Variants in PARD3 observed in about 807,000 individuals in gnomAD.
PARD3 encodes the protein partitioning defective 3 homolog.
PARD3 carries 75 observed loss-of-function variants against 155.4 expected under a neutral mutation model. The observed-to-expected ratio is 0.48, with a 90% CI of 0.40 to 0.58. PARD3 has a LOEUF of 0.58. Ranked by LOEUF, PARD3 falls within the 20% of genes least tolerant of loss-of-function variation. The probability of loss-of-function intolerance (pLI) is 0.00; values close to 1 mark genes in which losing one functional copy is unlikely to be tolerated. For synonymous variants in PARD3, 576 were observed against 610.5 expected, an observed-to-expected ratio of 0.94 and a Z score of 0.83; for missense variants, 1,642 against 1,721.7, an observed-to-expected ratio of 0.95 and a Z score of 0.82.
chr10:34,807,555 C>T (rs1296222817), intron 1 of PARD3, among the ~76,000 whole-genome samples: 1 of 152,218 alleles, frequency 6.6e-6, no homozygotes, highest in East Asian at 1.9e-4. Context: ...CACCACTCTA[C>T]TGTCTCTATA....
rs557681998 is a variant in PARD3, at chr10:34,234,817, CTTA to C, written c.3419+34837_3419+34839del. On this transcript the variant is annotated intron_variant, in intron 22 of 24. Transcript: ENST00000374788. The stretch of plus-strand genomic sequence containing the variant: ...AATGAATGAGTAAATGGATATCATT[CTTA>C]TGTTTTTGTAAATGAATGACTTTCA... 2.0e-4 allele frequency among the ~76,000 whole-genome samples: 30 copies of C among 152,280 alleles called. No individual in the cohort carries two copies. The South Asian group carries it at 6.0e-3, about 30-fold the overall frequency.
At chr10:34,323,945 A>G (rs866425533) in intron 19 of PARD3, among the ~76,000 whole-genome samples, 4 of 152,240 alleles carry the variant, frequency 2.6e-5, no homozygotes, top group African/African-American at 4.8e-5. Context: ...TTAAAAACCA[A>G]TTCTGACCGA....
At chr10:34,649,371 G>C (rs1012923162) in intron 2 of PARD3, among the ~76,000 whole-genome samples, 2 of 152,246 alleles carry the variant, frequency 1.3e-5, no homozygotes, top group African/African-American at 4.8e-5. Flanking sequence ...CTAGAGGGTA[G>C]AGCCTCCTAC....
chr10:34,806,209 T>G (rs1341127106), intron 1 of PARD3, among the ~76,000 whole-genome samples: 8 of 149,964 alleles, frequency 5.3e-5, no homozygotes, highest in Non-Finnish European at 1.0e-4. Context: ...TTTTTTTTTT[T>G]TTTTTTGAGA....
At chr10:34,535,408 G>T (rs147755880) in intron 2 of PARD3, among the ~76,000 whole-genome samples, 2 of 152,170 alleles carry the variant, frequency 1.3e-5, no homozygotes, top group Admixed American at 1.3e-4. Context: ...GCAATGAGAC[G>T]AGAGTATTTC....
intron 1 of PARD3, among the ~76,000 whole-genome samples, chr10:34,737,644 G>A (rs560954681): frequency 2.0e-5 from 3 of 152,218 alleles, no homozygotes; most frequent in East Asian, 1.9e-4. Flanking sequence ...AAGGGCCCTC[G>A]GCTCCCCCAC....
intron 2 of PARD3, among the ~76,000 whole-genome samples, chr10:34,667,819 T>C (rs1193680289): frequency 6.6e-6 from 1 of 152,186 alleles, no homozygotes; most frequent in African/African-American, 2.4e-5. Flanking sequence ...ACAAATAATA[T>C]TGTGATGACA....
In PARD3 at chr10:34,469,205, G is replaced by C. The variant is rs564332775; in HGVS notation, c.582+880C>G. On this transcript the variant is annotated intron_variant, in intron 4 of 24. Coordinates refer to ENST00000374788, the MANE Select transcript of PARD3 (RefSeq NM_001184785.2). Reference sequence around the variant, plus strand: ...GGCTCACTGCAACCTCCGCCTCCTGGGTTCAAGCGATTATTGTGCCTCAGC... The same window carrying C: ...GGCTCACTGCAACCTCCGCCTCCTGCGTTCAAGCGATTATTGTGCCTCAGC... Among the ~76,000 whole-genome samples the C allele has an allele frequency of 3.2e-4, 49 of 152,272 alleles. No homozygotes were observed. In the South Asian group the frequency reaches 9.3e-3, roughly 29 times the overall value.
At chr10:34,228,461 TC>T (rs1449314369) in intron 22 of PARD3, among the ~76,000 whole-genome samples, 1 of 152,108 alleles carries the variant, frequency 6.6e-6, no homozygotes, top group East Asian at 1.9e-4. Context: ...TATTAACGGT[TC>T]CATTTATATG....
chr10:34,439,815 G>T (rs147879670), intron 5 of PARD3, among the ~76,000 whole-genome samples: 4 of 152,164 alleles, frequency 2.6e-5, no homozygotes, highest in African/African-American at 7.2e-5. Context: ...AGACCCAAAA[G>T]CCTACGCCAA....
intron 1 of PARD3, among the ~76,000 whole-genome samples, chr10:34,777,003 ATT>A (rs758917237): frequency 1.8e-4 from 22 of 122,368 alleles, no homozygotes; most frequent in Admixed American, 4.2e-4. Context: ...TGTCTGGCTA[ATT>A]TTTTTTTTTT....
chr10:34,692,096 G>A (rs1312395962), intron 2 of PARD3, among the ~76,000 whole-genome samples: 1 of 152,108 alleles, frequency 6.6e-6, no homozygotes, highest in Admixed American at 6.6e-5. Context: ...GCCAGGCATG[G>A]TGACGTGCAC....
chr10:34,507,105 C>A (rs1564790467), intron 3 of PARD3, among the ~76,000 whole-genome samples: 1 of 152,108 alleles, frequency 6.6e-6, no homozygotes, highest in Non-Finnish European at 1.5e-5. Flanking sequence ...GATCTGCAAC[C>A]CTCCAAACAC....
intron 22 of PARD3, among the ~76,000 whole-genome samples, chr10:34,178,918 G>A (rs987853075): frequency 1.3e-5 from 2 of 152,158 alleles, no homozygotes; most frequent in Non-Finnish European, 2.9e-5. Context: ...GGATGTGACA[G>A]GAAACAAGAA....
At chr10:34,235,808 A>C (rs1182735632) in intron 22 of PARD3, among the ~76,000 whole-genome samples, 1 of 152,236 alleles carries the variant, frequency 6.6e-6, no homozygotes, top group Non-Finnish European at 1.5e-5. Flanking sequence ...ACATTGTACT[A>C]AACGATTTTG....
intron 1 of PARD3, among the ~76,000 whole-genome samples, chr10:34,782,900 AT>A (rs1840428933): frequency 6.6e-6 from 1 of 151,814 alleles, no homozygotes; most frequent in Non-Finnish European, 1.5e-5. Flanking sequence ...TTATTTTTGT[AT>A]TTTTAGTAGA....
chr10:34,250,600 T>A (rs1186167065), intron 22 of PARD3, among the ~76,000 whole-genome samples: 2 of 151,442 alleles, frequency 1.3e-5, no homozygotes, highest in African/African-American at 4.9e-5. Context: ...GAAACAGACA[T>A]ACTCAGTAAT....
chr10:34,310,922 CTG>C (rs767796138), intron 20 of PARD3, among the ~76,000 whole-genome samples: 6 of 152,246 alleles, frequency 3.9e-5, no homozygotes, highest in Non-Finnish European at 8.8e-5. Flanking sequence ...TAAAATCTCA[CTG>C]TGTTTCATTT....
chr10:34,291,887 T>A (rs1188847063), intron 20 of PARD3, among the ~76,000 whole-genome samples: 3 of 152,134 alleles, frequency 2.0e-5, no homozygotes, highest in African/African-American at 7.2e-5. Context: ...CTCTCCACCA[T>A]CAATCAATGA....
Sources: gnomAD v4.1 joint callset for allele counts (sites outside exome capture counted in the v4.1 genomes callset) on GRCh38, gnomAD v4.1.1 for gene constraint, MANE v1.5 for transcripts, NCBI Gene and HGNC (gene_info 2026-07-23, HGNC 2026-07-21) for gene names.